NCAM2: variants seen among roughly 807,000 people sequenced by gnomAD.
The protein encoded by NCAM2 is N-CAM-2.
Under a neutral mutation model 98.1 loss-of-function variants are expected in NCAM2, and 30 were observed. That is an observed-to-expected ratio of 0.31 (90% CI 0.23 to 0.41). The LOEUF is 0.41. NCAM2 is among the 10% of genes least tolerant of loss of function. NCAM2 has a pLI of 1.00. For missense variants in NCAM2, 867 were observed against 1,005.8 expected, an observed-to-expected ratio of 0.86 and a Z score of 1.87; for synonymous variants, 368 against 342.4, an observed-to-expected ratio of 1.07 and a Z score of -0.83.
intron 1 of NCAM2, among the ~76,000 whole-genome samples, chr21:21,059,207 T>C (rs2065273077): frequency 6.6e-6 from 1 of 152,062 alleles, no homozygotes; most frequent in South Asian, 2.1e-4. Flanking sequence ...AAGAGAAGTA[T>C]GTATAAAGGC....
rs7282792 is a variant in NCAM2 at position 21,524,649 on chromosome 21, A to G, written c.2283-9888A>G. Among the ~76,000 whole-genome samples, 732 of 152,272 alleles carry G rather than the reference A, an allele frequency of 4.8e-3. 10 individuals are homozygous for G. The highest frequency in any genetic ancestry group is 0.017 in the African/African-American group (702 of 41,566). On this transcript the variant is annotated intron_variant, in intron 16 of 17. Coordinates refer to ENST00000400546, the MANE Select transcript of NCAM2 (RefSeq NM_004540.5). ...AATCAGTAAGGACGTTGCTTAACCA[A>G]TCAAGTTCAATCAACTATATATGTC...
intron 1 of NCAM2, among the ~76,000 whole-genome samples, chr21:21,274,040 C>T (rs1295855795): frequency 5.5e-5 from 4 of 72,728 alleles, no homozygotes; most frequent in Non-Finnish European, 7.8e-5. Context: ...TGGCGCATGG[C>T]TGTAATCCCA....
At chr21:21,025,252 ATTGT>A (rs996017543) in intron 1 of NCAM2, among the ~76,000 whole-genome samples, 1 of 151,832 alleles carries the variant, frequency 6.6e-6, no homozygotes, top group Non-Finnish European at 1.5e-5. Context: ...TGCCCGGCTA[ATTGT>A]TTGTATTTTT....
At chr21:21,122,477 C>G (rs1370679881) in intron 1 of NCAM2, among the ~76,000 whole-genome samples, 1 of 152,150 alleles carries the variant, frequency 6.6e-6, no homozygotes, top group African/African-American at 2.4e-5. Context: ...TGTACAAAAG[C>G]TGTCTTAATA....
At position 21,473,055 on chromosome 21, in the gene NCAM2, A is replaced by C. The variant is rs1425797234; in HGVS notation, c.1897-4236A>C. ...ATATACAATTCGGTGTTTTAAATTT[A>C]AGATTAATATCTTTCTCAGAGGACA... On this transcript the variant is annotated intron_variant, in intron 14 of 17. Coordinates refer to ENST00000400546, the MANE Select transcript of NCAM2 (RefSeq NM_004540.5). Among the ~76,000 whole-genome samples, 4 of 151,492 alleles carry C rather than the reference A, an allele frequency of 2.6e-5. No individual in the cohort carries two copies. The East Asian group carries it at 7.7e-4, about 29-fold the overall frequency.
chr21:21,128,948 A>G (rs192506760), intron 1 of NCAM2, among the ~76,000 whole-genome samples: 1 of 152,306 alleles, frequency 6.6e-6, no homozygotes, highest in Admixed American at 6.5e-5. Flanking sequence ...CAATGTAAAA[A>G]CATCCAAAGA....
At chr21:21,487,569 C>T (rs974148171) in intron 15 of NCAM2, among the ~76,000 whole-genome samples, 5 of 151,896 alleles carry the variant, frequency 3.3e-5, no homozygotes, top group South Asian at 2.1e-4. Context: ...TTGTTTTGAC[C>T]GTATTACCAG....
At chr21:21,230,657 G>T (rs1340239367) in intron 1 of NCAM2, among the ~76,000 whole-genome samples, 1 of 151,298 alleles carries the variant, frequency 6.6e-6, no homozygotes, top group Non-Finnish European at 1.5e-5. Flanking sequence ...AGGGTGCTTA[G>T]CCATAATCTG....
intron 1 of NCAM2, among the ~76,000 whole-genome samples, chr21:21,025,381 G>A (rs1048497374): frequency 1.3e-5 from 2 of 152,168 alleles, no homozygotes; most frequent in African/African-American, 2.4e-5. Context: ...CACTGCGCCC[G>A]GCCATTTTTA....
rs150936662 is a variant in NCAM2 at position 21,247,994 on chromosome 21, C to G, written c.56-32584C>G. Among the ~76,000 whole-genome samples the G allele has an allele frequency of 2.3e-3, 353 of 152,018 alleles. 2 individuals are homozygous for G. Among genetic ancestry groups the G allele is most frequent in the African/African-American group, 8.1e-3 (336 of 41,462 alleles). On this transcript the variant is annotated intron_variant, in intron 1 of 17. Coordinates refer to ENST00000400546, the MANE Select transcript of NCAM2 (RefSeq NM_004540.5). ...CCTGTAGTTGGGGATAAGGCATATA[C>G]AGAGGACAGAATGTGAGGGAAGAGG...
chr21:21,362,421 G>T (rs1029761638), intron 8 of NCAM2, among the ~76,000 whole-genome samples: 2 of 150,538 alleles, frequency 1.3e-5, no homozygotes, highest in African/African-American at 4.9e-5. Flanking sequence ...CTGAAACAGG[G>T]TCTTGCTCTT....
chr21:21,112,030 T>A (rs530885864), intron 1 of NCAM2, among the ~76,000 whole-genome samples: 1 of 152,334 alleles, frequency 6.6e-6, no homozygotes, highest in South Asian at 2.1e-4. Context: ...ACATGTTGAA[T>A]GTTGCCCAAC....
chr21:21,520,706 C>T (rs1988967238), intron 16 of NCAM2, among the ~76,000 whole-genome samples: 1 of 152,064 alleles, frequency 6.6e-6, no homozygotes, highest in African/African-American at 2.4e-5. Flanking sequence ...AACTACCGTC[C>T]TGAAAATTGA....
Position 21,385,655 on chromosome 21 carries a change from C to A in NCAM2, c.1195+11642C>A, listed in dbSNP as rs545741424. On this transcript the variant is annotated intron_variant, in intron 9 of 17. Transcript: ENST00000400546. The stretch of plus-strand genomic sequence containing the variant: ...CAGTTCATTTTCAACATTTCCGAGG[C>A]GTTACTTTACTAAGAAGCAGGAATT... 2.3e-5 allele frequency: 30 copies of A among 1,285,884 alleles called. 1 individual carries two copies. In the East Asian group the frequency reaches 1.0e-3, roughly 43 times the overall value. The allele number at this position is 1,285,884 out of a possible 1,614,324, so 79.7% of individuals were successfully genotyped here.
At chr21:21,328,327 C>T (rs1256422413) in intron 6 of NCAM2, among the ~76,000 whole-genome samples, 1 of 151,950 alleles carries the variant, frequency 6.6e-6, no homozygotes, top group East Asian at 1.9e-4. Flanking sequence ...ATTTACTATA[C>T]CGTACTTTTA....
At chr21:21,230,030 T>C (rs2070556973) in intron 1 of NCAM2, among the ~76,000 whole-genome samples, 1 of 151,350 alleles carries the variant, frequency 6.6e-6, no homozygotes, top group Admixed American at 6.6e-5. Flanking sequence ...GAGGTAGTTA[T>C]TATTATTCTC....
chr21:21,091,076 T>A (rs960957763), intron 1 of NCAM2, among the ~76,000 whole-genome samples: 2 of 152,196 alleles, frequency 1.3e-5, no homozygotes, highest in Non-Finnish European at 2.9e-5. Context: ...GGTCTCTTGT[T>A]CATGTTGTTT....
At chr21:21,389,997 G>A (rs2076346623) in intron 9 of NCAM2, among the ~76,000 whole-genome samples, 1 of 152,002 alleles carries the variant, frequency 6.6e-6, no homozygotes, top group Non-Finnish European at 1.5e-5. Context: ...CTACAGTCAC[G>A]TGCCACCATG....
At chr21:21,222,974 C>G (rs1383326822) in intron 1 of NCAM2, among the ~76,000 whole-genome samples, 1 of 152,196 alleles carries the variant, frequency 6.6e-6, no homozygotes, top group East Asian at 1.9e-4. Flanking sequence ...TAACCACTCT[C>G]TGATCAGTCT....
Sources: gnomAD v4.1 joint callset for allele counts (sites outside exome capture counted in the v4.1 genomes callset) on GRCh38, gnomAD v4.1.1 for gene constraint, MANE v1.5 for transcripts, NCBI Gene and HGNC (gene_info 2026-07-23, HGNC 2026-07-21) for gene names.